Variants in GPM6A observed in about 807,000 individuals in gnomAD.
The protein encoded by GPM6A is neuronal membrane glycoprotein M6-a.
Under a neutral mutation model 32.1 loss-of-function variants are expected in GPM6A, and 7 were observed. The observed-to-expected ratio is 0.22, with a 90% confidence interval of 0.12 to 0.41. The LOEUF is 0.41. GPM6A is among the 10% of genes least tolerant of loss of function. The probability of loss-of-function intolerance (pLI) is 1.00; values close to 1 mark genes in which losing one functional copy is unlikely to be tolerated. For missense variants in GPM6A, 235 were observed against 347.2 expected, an observed-to-expected ratio of 0.68 and a Z score of 2.57; for synonymous variants, 130 against 123.4, an observed-to-expected ratio of 1.05 and a Z score of -0.35.
rs151286446 is a variant in GPM6A, at chr4:175,864,904, C to T, written c.-22-52655G>A. Among the ~76,000 whole-genome samples the T allele has an allele frequency of 3.2e-3, 481 of 151,948 alleles. 4 individuals carry two copies. The highest frequency in any genetic ancestry group is 0.011 in the African/African-American group (436 of 41,458). ...TCACTGCAACCTCTGCACCTAGGCT[C>T]AAGCAATTCTCCTGCCTCAGCCTCC... On this transcript the variant is annotated intron_variant, in intron 1 of 7. Coordinates refer to the GPM6A transcript ENST00000280187.
chr4:175,763,658 T>C (rs140978058), intron 1 of GPM6A, among the ~76,000 whole-genome samples: 135 of 152,298 alleles, frequency 8.9e-4, no homozygotes, highest in Non-Finnish European at 1.5e-3. Flanking sequence ...CAATATGGAA[T>C]AGAACATTGT....
At chr4:175,830,342 C>A (rs916871611) in intron 1 of GPM6A, among the ~76,000 whole-genome samples, 3 of 152,150 alleles carry the variant, frequency 2.0e-5, no homozygotes, top group Admixed American at 6.6e-5. Flanking sequence ...TTTTTAGACA[C>A]ATAAATACAC....
At chr4:175,731,571 T>A (rs754545716) in intron 1 of GPM6A, among the ~76,000 whole-genome samples, 1 of 152,234 alleles carries the variant, frequency 6.6e-6, no homozygotes, top group Non-Finnish European at 1.5e-5. Context: ...CCAGGCTCTA[T>A]AAATATTTGT....
chr4:175,916,636 G>A (rs973469467), intron 1 of GPM6A, among the ~76,000 whole-genome samples: 2 of 152,092 alleles, frequency 1.3e-5, no homozygotes, highest in African/African-American at 4.8e-5. Context: ...TAACCCAGGA[G>A]GCTGGCCTGA....
intron 1 of GPM6A, among the ~76,000 whole-genome samples, chr4:175,749,291 T>C (rs1472345882): frequency 2.0e-5 from 3 of 152,056 alleles, no homozygotes; most frequent in Non-Finnish European, 4.4e-5. Context: ...CCATAACAAA[T>C]ATAATAATAA....
intron 6 of GPM6A, among the ~76,000 whole-genome samples, chr4:175,635,380 A>T (rs1380509219): frequency 6.6e-6 from 1 of 152,098 alleles, no homozygotes; most frequent in East Asian, 1.9e-4. Flanking sequence ...TAGATGATTC[A>T]TTTCATGTTC....
At chr4:175,758,762 A>T (rs1282676566) in intron 1 of GPM6A, among the ~76,000 whole-genome samples, 1 of 152,176 alleles carries the variant, frequency 6.6e-6, no homozygotes, top group Non-Finnish European at 1.5e-5. Flanking sequence ...GCTGTCCTCT[A>T]CTGAGGCACA....
At chr4:175,867,730 T>C (rs1242668748) in intron 1 of GPM6A, among the ~76,000 whole-genome samples, 1 of 152,166 alleles carries the variant, frequency 6.6e-6, no homozygotes, top group Non-Finnish European at 1.5e-5. Flanking sequence ...AGTCCTGCAG[T>C]TTTATTCTTT....
At chr4:175,665,108 C>A (rs11932265) in intron 3 of GPM6A, among the ~76,000 whole-genome samples, 1 of 152,096 alleles carries the variant, frequency 6.6e-6, no homozygotes, top group Non-Finnish European at 1.5e-5. Context: ...CTGATGAACA[C>A]ATTAGGGGGT....
chr4:175,909,040 G>GGA, intron 1 of GPM6A, among the ~76,000 whole-genome samples: 1 of 47,304 alleles, frequency 2.1e-5, no homozygotes, highest in Admixed American at 2.1e-4. Context: ...AAAAAAAAAG[G>GGA]GCGGGGGGGG....
intron 1 of GPM6A, among the ~76,000 whole-genome samples, chr4:175,820,877 T>G (rs1390554917): frequency 6.6e-6 from 1 of 152,222 alleles, no homozygotes; most frequent in Non-Finnish European, 1.5e-5. Flanking sequence ...AATCTTTTAA[T>G]GTATATGCGG....
intron 1 of GPM6A, among the ~76,000 whole-genome samples, chr4:175,970,683 A>C (rs1478779635): frequency 2.0e-5 from 3 of 152,202 alleles, no homozygotes; most frequent in African/African-American, 7.2e-5. Context: ...AAAAGGGAGA[A>C]GGGAATTGAA....
intron 2 of GPM6A, among the ~76,000 whole-genome samples, chr4:175,682,324 T>C (rs901247549): frequency 6.6e-6 from 1 of 152,084 alleles, no homozygotes; most frequent in African/African-American, 2.4e-5. Context: ...TTTGAAATAA[T>C]ATTTAAACAG....
At chr4:175,679,626 C>A (rs982397902) in intron 2 of GPM6A, among the ~76,000 whole-genome samples, 3 of 152,290 alleles carry the variant, frequency 2.0e-5, no homozygotes, top group African/African-American at 7.2e-5. Flanking sequence ...CCATTACCAG[C>A]TCCACATTTG....
intron 1 of GPM6A, among the ~76,000 whole-genome samples, chr4:175,971,433 C>CA (rs1740499331): frequency 6.6e-6 from 1 of 152,128 alleles, no homozygotes; most frequent in African/African-American, 2.4e-5. Flanking sequence ...ATTGCGTGCA[C>CA]GTAATTTTCT....
chr4:175,971,284 A>T (rs913533612), intron 1 of GPM6A, among the ~76,000 whole-genome samples: 3 of 152,034 alleles, frequency 2.0e-5, no homozygotes, highest in African/African-American at 7.3e-5. Context: ...AAAAAAAAAA[A>T]AAATTCTGAA....
intron 1 of GPM6A, among the ~76,000 whole-genome samples, chr4:175,708,416 G>C (rs567276166): frequency 6.7e-6 from 1 of 148,622 alleles, no homozygotes; most frequent in Non-Finnish European, 1.5e-5. Flanking sequence ...ATGGAGTTTC[G>C]CTCTTGTTGC....
intron 1 of GPM6A, among the ~76,000 whole-genome samples, chr4:175,888,376 C>T (rs1476194261): frequency 6.6e-6 from 1 of 151,944 alleles, no homozygotes; most frequent in Non-Finnish European, 1.5e-5. Context: ...TCATAAGAAG[C>T]ATTTCCTTTT....
At chr4:175,772,600 T>C (rs1189736411) in intron 1 of GPM6A, among the ~76,000 whole-genome samples, 2 of 152,122 alleles carry the variant, frequency 1.3e-5, no homozygotes, top group Non-Finnish European at 1.5e-5. Context: ...CCTAACTGGC[T>C]TCTATCCACT....
Sources: gnomAD v4.1 joint callset for allele counts (sites outside exome capture counted in the v4.1 genomes callset) on GRCh38, gnomAD v4.1.1 for gene constraint, MANE v1.5 for transcripts, NCBI Gene and HGNC (gene_info 2026-07-23, HGNC 2026-07-21) for gene names.